The following TMEM132C variants were observed in gnomAD, a reference collection of about 807,000 sequenced individuals.
TMEM132C encodes the protein protein phosphatase 1, regulatory subunit 152.
A neutral mutation model predicts 61.4 loss-of-function variants in TMEM132C; 29 were observed. The ratio of observed to expected loss-of-function variants is 0.47; its 90% CI spans 0.35 to 0.64. The LOEUF (loss-of-function observed/expected upper bound fraction) is 0.64, where lower values mean the gene tolerates loss of function less well. Ranked by LOEUF, TMEM132C falls within the 30% of genes least tolerant of loss-of-function variation. The pLI is 0.00. For synonymous variants in TMEM132C, 656 were observed against 633.1 expected, an observed-to-expected ratio of 1.04 and a Z score of -0.54; for missense variants, 1,408 against 1,476.9, an observed-to-expected ratio of 0.95 and a Z score of 0.76.
rs934076616 is a variant in TMEM132C, at chr12:128,394,674, T to C, written c.86-20058T>C. On this transcript the variant is annotated intron_variant, in intron 1 of 8. Coordinates refer to ENST00000435159, the MANE Select transcript of TMEM132C (RefSeq NM_001136103.3). Reference sequence around the variant, plus strand: ...CATCACCTTTTCTCTTCTTTGAAGATAGATATTTAAGAATAGCAAAGAACA... The same window carrying C: ...CATCACCTTTTCTCTTCTTTGAAGACAGATATTTAAGAATAGCAAAGAACA... 5.9e-5 allele frequency among the ~76,000 whole-genome samples: 9 copies of C among 152,176 alleles called. 1 individual carries two copies. The highest frequency in any genetic ancestry group is 2.2e-4 in the African/African-American group (9 of 41,440).
intron 1 of TMEM132C, among the ~76,000 whole-genome samples, chr12:128,314,740 G>A (rs1872089524): frequency 6.6e-6 from 1 of 152,190 alleles, no homozygotes; most frequent in African/African-American, 2.4e-5. Context: ...AGCTGGGAGA[G>A]ACAGGCACAG....
chr12:128,479,913 A>G (rs79645836), intron 2 of TMEM132C, among the ~76,000 whole-genome samples: 11,504 of 152,300 alleles, frequency 0.076, 510 homozygotes, highest in Middle Eastern at 0.12. Flanking sequence ...ACACATAAAA[A>G]TGATTCCTTC....
At chr12:128,293,730 ATTCT>A (rs1871319669) in intron 1 of TMEM132C, among the ~76,000 whole-genome samples, 1 of 152,082 alleles carries the variant, frequency 6.6e-6, no homozygotes, top group African/African-American at 2.4e-5. Flanking sequence ...GTCGAGAGTG[ATTCT>A]TTATGGCAAA....
chr12:128,486,920 C>G (rs1394738720), intron 2 of TMEM132C, among the ~76,000 whole-genome samples: 2 of 114,558 alleles, frequency 1.7e-5, no homozygotes, highest in South Asian at 2.3e-4. Flanking sequence ...CACACACACA[C>G]AGCTCAGCAC....
intron 4 of TMEM132C, among the ~76,000 whole-genome samples, chr12:128,619,702 G>C (rs1305625087): frequency 6.6e-6 from 1 of 152,212 alleles, no homozygotes; most frequent in Non-Finnish European, 1.5e-5. Flanking sequence ...TTGGGGGATG[G>C]GGTGAGAGAG....
intron 1 of TMEM132C, among the ~76,000 whole-genome samples, chr12:128,396,457 G>A (rs955971410): frequency 2.9e-5 from 4 of 136,000 alleles, no homozygotes; most frequent in African/African-American, 9.4e-5. Context: ...TAGTGCACGC[G>A]GGGCCTAAAA....
In TMEM132C at chr12:128,675,888, G is replaced by A. The variant is rs12368827; in HGVS notation, c.1449+6328G>A. Among the ~76,000 whole-genome samples the A allele has an allele frequency of 4.7e-3, 558 of 119,370 alleles. 20 individuals are homozygous for A. The highest frequency in any genetic ancestry group is 0.046 in the Admixed American group (507 of 10,920). The allele number at this position is 119,370 out of a possible 152,430, so 78.3% of individuals were successfully genotyped here. ...AGATAGATAGATAGATAGATAAATAGATAGATAGATAGATTTGTTGCTGAA... is the reference window on the plus strand; with the variant it reads ...AGATAGATAGATAGATAGATAAATAAATAGATAGATAGATTTGTTGCTGAA... On this transcript the variant is annotated intron_variant, in intron 5 of 8. Coordinates refer to ENST00000435159, the MANE Select transcript of TMEM132C (RefSeq NM_001136103.3).
At chr12:128,299,765 C>T (rs1477609515) in intron 1 of TMEM132C, among the ~76,000 whole-genome samples, 1 of 152,192 alleles carries the variant, frequency 6.6e-6, no homozygotes, top group African/African-American at 2.4e-5. Context: ...AAGCTGCATG[C>T]AGCCCAGGTT....
intron 4 of TMEM132C, among the ~76,000 whole-genome samples, chr12:128,623,536 T>C (rs190104531): frequency 6.6e-6 from 1 of 151,624 alleles, no homozygotes; most frequent in Non-Finnish European, 1.5e-5. Flanking sequence ...GCCGGGTGCA[T>C]TGGCTCACAC....
chr12:128,287,685 C>G (rs1480728921), intron 1 of TMEM132C, among the ~76,000 whole-genome samples: 1 of 152,164 alleles, frequency 6.6e-6, no homozygotes, highest in East Asian at 1.9e-4. Context: ...TATTATGTAT[C>G]TGCCTCCTTT....
At chr12:128,559,302 T>G (rs78299359) in intron 3 of TMEM132C, among the ~76,000 whole-genome samples, 3,714 of 152,274 alleles carry the variant, frequency 0.024, 169 homozygotes, top group African/African-American at 0.085. Context: ...TCCAAACATC[T>G]GTATATTATG....
At chr12:128,565,409 C>A (rs562664971) in intron 3 of TMEM132C, among the ~76,000 whole-genome samples, 2 of 152,296 alleles carry the variant, frequency 1.3e-5, no homozygotes, top group East Asian at 3.9e-4. Flanking sequence ...TTGTTTTAAA[C>A]CACAGATTTT....
intron 2 of TMEM132C, among the ~76,000 whole-genome samples, chr12:128,538,281 TG>T (rs1873607458): frequency 7.1e-6 from 1 of 140,268 alleles, no homozygotes; most frequent in Non-Finnish European, 1.6e-5. Context: ...CCACCATGCC[TG>T]GTTAATTTTT....
At chr12:128,404,499 A>G (rs1433362941) in intron 1 of TMEM132C, 3 of 152,266 alleles carry the variant, frequency 2.0e-5, no homozygotes, top group Admixed American at 1.3e-4. Flanking sequence ...ATCAACTGTA[A>G]AGAATCTATC....
intron 3 of TMEM132C, among the ~76,000 whole-genome samples, chr12:128,578,103 C>G (rs969056997): frequency 6.6e-6 from 1 of 152,170 alleles, no homozygotes; most frequent in African/African-American, 2.4e-5. Context: ...TAAAAGCCAA[C>G]CATAAAAATA....
intron 2 of TMEM132C, among the ~76,000 whole-genome samples, chr12:128,522,867 A>G (rs1205026377): frequency 6.6e-6 from 1 of 152,176 alleles, no homozygotes; most frequent in African/African-American, 2.4e-5. Context: ...TAAAGAAAAA[A>G]CAAAAGGAAA....
chr12:128,342,252 C>T (rs1404979816), intron 1 of TMEM132C, among the ~76,000 whole-genome samples: 1 of 152,066 alleles, frequency 6.6e-6, no homozygotes, highest in African/African-American at 2.4e-5. Context: ...CGTGATCTGC[C>T]CGCCTCTGCC....
chr12:128,528,472 C>T (rs968141578), intron 2 of TMEM132C, among the ~76,000 whole-genome samples: 3 of 152,260 alleles, frequency 2.0e-5, no homozygotes, highest in South Asian at 2.1e-4. Context: ...TTGGGGAGCG[C>T]GGCTGGGCTA....
intron 1 of TMEM132C, among the ~76,000 whole-genome samples, chr12:128,327,925 C>T (rs1872574473): frequency 1.3e-5 from 2 of 152,034 alleles, no homozygotes; most frequent in African/African-American, 2.4e-5. Context: ...TGGGTGCAGG[C>T]TTCAGAGAGA....
Sources: allele counts gnomAD v4.1 joint callset (sites outside exome capture counted in the v4.1 genomes callset), GRCh38; gene constraint gnomAD v4.1.1; transcripts MANE v1.5; gene names NCBI Gene and HGNC (gene_info 2026-07-23, HGNC 2026-07-21).